HAPSTR1: variants seen among roughly 807,000 people sequenced by gnomAD.
HAPSTR1 encodes HUWE1-associated protein modifying stress responses 1.
At chr16:9,092,013 G>A in the HAPSTR1 span, 1 of 1,473,984 alleles carries the variant, frequency 6.8e-7, no homozygotes, top group Non-Finnish European at 9.0e-7. Flanking sequence ...ACGCGGCGGC[G>A]GTGGCGGCGA....
chr16:9,106,671 A>C, the HAPSTR1 span: 39 of 152,096 alleles, frequency 2.6e-4, no homozygotes, highest in Admixed American at 1.0e-3. Context: ...ACTTGTTCGC[A>C]ACATGTTGCT....
the HAPSTR1 span, chr16:9,118,527 A>T: frequency 2.0e-5 from 3 of 152,782 alleles, no homozygotes; most frequent in East Asian, 1.9e-4. Flanking sequence ...GCCCTTATTT[A>T]AAAAAGTGAA....
At chr16:9,101,947 C>G in the HAPSTR1 span, among the ~76,000 whole-genome samples, 2 of 152,072 alleles carry the variant, frequency 1.3e-5, no homozygotes, top group Non-Finnish European at 2.9e-5. Flanking sequence ...ATGGTGAAAC[C>G]CGGTCTCTAC....
chr16:9,095,563 C>G, the HAPSTR1 span, among the ~76,000 whole-genome samples: 1 of 152,040 alleles, frequency 6.6e-6, no homozygotes, highest in East Asian at 1.9e-4. Flanking sequence ...ATTTGGCACT[C>G]CTACCAGCTT....
chr16:9,099,328 G>C, the HAPSTR1 span, among the ~76,000 whole-genome samples: 2 of 151,944 alleles, frequency 1.3e-5, no homozygotes, highest in Non-Finnish European at 2.9e-5. Context: ...CTCCCAAGTA[G>C]CTGGGATTAG....
the HAPSTR1 span, among the ~76,000 whole-genome samples, chr16:9,115,914 A>G: frequency 1.3e-5 from 2 of 152,060 alleles, no homozygotes; most frequent in Admixed American, 1.3e-4. Flanking sequence ...CTGGCCTTGG[A>G]TTCAGTAACT....
the HAPSTR1 span, chr16:9,110,324 G>A: frequency 6.6e-6 from 1 of 152,142 alleles, no homozygotes; most frequent in Non-Finnish European, 1.5e-5. Flanking sequence ...TATAAGGTTG[G>A]ATAGGAATGT....
chr16:9,098,604 T>G, the HAPSTR1 span, among the ~76,000 whole-genome samples: 1 of 152,180 alleles, frequency 6.6e-6, no homozygotes, highest in Non-Finnish European at 1.5e-5. Context: ...CTTGAGATCT[T>G]GAGGCTAGGA....
chr16:9,099,694 C>T, the HAPSTR1 span, among the ~76,000 whole-genome samples: 9 of 152,182 alleles, frequency 5.9e-5, no homozygotes, highest in African/African-American at 9.6e-5. Context: ...CGAAAGTCCA[C>T]GCTTCTAGAA....
At chr16:9,112,891 CTCTG>C in the HAPSTR1 span, 2 of 151,980 alleles carry the variant, frequency 1.3e-5, no homozygotes, top group Non-Finnish European at 2.9e-5. Context: ...ATTAAGACTT[CTCTG>C]TCTAATCATG....
At chr16:9,096,079 C>T in the HAPSTR1 span, among the ~76,000 whole-genome samples, 151 of 152,150 alleles carry the variant, frequency 9.9e-4, 1 homozygote, top group African/African-American at 3.5e-3. Context: ...GAGTTCAGAT[C>T]TTGGCTCTGT....
At chr16:9,095,620 C>T in the HAPSTR1 span, among the ~76,000 whole-genome samples, 1 of 151,870 alleles carries the variant, frequency 6.6e-6, no homozygotes, top group African/African-American at 2.4e-5. Context: ...TCAATCCTGA[C>T]CTTCATTAAG....
chr16:9,115,337 TAA>T, the HAPSTR1 span, among the ~76,000 whole-genome samples: 1 of 152,228 alleles, frequency 6.6e-6, no homozygotes, highest in Admixed American at 6.5e-5. Context: ...GAAAATCTTA[TAA>T]GTCCTATTCT....
the HAPSTR1 span, chr16:9,105,471 G>A: frequency 1.3e-5 from 2 of 152,180 alleles, no homozygotes; most frequent in African/African-American, 2.4e-5. Flanking sequence ...GAACATCAGT[G>A]TATTAAGGAG....
At chr16:9,117,930 A>G in the HAPSTR1 span, 1 of 152,804 alleles carries the variant, frequency 6.5e-6, no homozygotes, top group South Asian at 2.1e-4. Flanking sequence ...AACTTAAAAT[A>G]GCAAAACCCA....
the HAPSTR1 span, chr16:9,116,909 C>G: frequency 6.2e-7 from 1 of 1,613,380 alleles, no homozygotes; most frequent in Non-Finnish European, 8.5e-7. Context: ...ACAGAATGAT[C>G]TAAACTGCAA....
chr16:9,106,544 C>G, the HAPSTR1 span: 1 of 151,846 alleles, frequency 6.6e-6, no homozygotes, highest in Non-Finnish European at 1.5e-5. Flanking sequence ...ACTGCTTGCC[C>G]CTAAGTGGTG....
At chr16:9,101,075 T>C in the HAPSTR1 span, among the ~76,000 whole-genome samples, 1 of 152,238 alleles carries the variant, frequency 6.6e-6, no homozygotes, top group Non-Finnish European at 1.5e-5. Context: ...TAACACATTT[T>C]ACATTTATCC....
the HAPSTR1 span, chr16:9,109,054 T>C: frequency 6.6e-6 from 1 of 152,202 alleles, no homozygotes; most frequent in Non-Finnish European, 1.5e-5. Context: ...TGTTTAGTAG[T>C]AAGGGTCACA....
Sources: allele counts gnomAD v4.1 joint callset (sites outside exome capture counted in the v4.1 genomes callset), GRCh38; gene constraint gnomAD v4.1.1; transcripts MANE v1.5; gene names NCBI Gene and HGNC (gene_info 2026-07-23, HGNC 2026-07-21).